PRRC2C: variants seen among roughly 807,000 people sequenced by gnomAD.
PRRC2C encodes the protein protein PRRC2C.
In PRRC2C, 72 loss-of-function variants were observed where a neutral mutation model predicts 317.2. That is an observed-to-expected ratio of 0.23 (90% confidence interval 0.19 to 0.28). The LOEUF (loss-of-function observed/expected upper bound fraction) is 0.28, where lower values mean the gene tolerates loss of function less well. PRRC2C is among the 10% of genes least tolerant of loss of function. The pLI is 1.00. For synonymous variants in PRRC2C, 1,296 were observed against 1,205.9 expected, an observed-to-expected ratio of 1.07 and a Z score of -1.55; for missense variants, 3,074 against 3,459.7, an observed-to-expected ratio of 0.89 and a Z score of 2.80.
At position 171,541,033 on chromosome 1, in the gene PRRC2C, T is replaced by TCGAGGC; in HGVS notation, c.3573_3578dup (p.Arg1192_Gly1193dup). 1 of 1,612,782 alleles carries TCGAGGC rather than the reference T, an allele frequency of 6.2e-7. No homozygotes were observed. The highest frequency in any genetic ancestry group is 2.2e-5 in the East Asian group (1 of 44,850). On this transcript the variant is annotated inframe_insertion, in exon 16 of 35. Transcript: ENST00000647382. This position sits in a 1 kb window ranked among gnomAD's most constrained non-coding sequence, Gnocchi z 4.1. Reference sequence around the variant, plus strand: ...GGTTTCCAGATCAAGGATACAGAGGTCGAGGCCGAGGTGAATATTACTCCA... The same window carrying TCGAGGC: ...GGTTTCCAGATCAAGGATACAGAGGTCGAGGCCGAGGCCGAGGTGAATATTACTCCA...
chr1:171,499,726 C>T lies in PRRC2C; in HGVS notation c.-57-12306C>T, dbSNP rs1230483996. 2.0e-5 allele frequency among the ~76,000 whole-genome samples: 3 copies of T among 152,104 alleles called. No homozygotes were observed. In the South Asian group the frequency reaches 6.2e-4, roughly 32 times the overall value. ...GGCTGAGGCAGGAGAATCGCTTGAACCTGGGAGGCAGAAATTTCAGTGAGC... is the reference window on the plus strand; with the variant it reads ...GGCTGAGGCAGGAGAATCGCTTGAATCTGGGAGGCAGAAATTTCAGTGAGC... On this transcript the variant is annotated intron_variant, in intron 1 of 34. Transcript: ENST00000647382.
intron 4 of PRRC2C, 26 bp from the exon 5 acceptor site, chr1:171,515,708 T>A: frequency 6.5e-7 from 1 of 1,544,462 alleles, no homozygotes; most frequent in African/African-American, 1.4e-5. Context: ...AAGTTACCTT[T>A]AATGTTTTTT....
Position 171,515,875 on chromosome 1 carries a change from C to A in PRRC2C, c.526+16C>A. 6.4e-7 allele frequency: 1 copy of A among 1,571,676 alleles called. No individual in the cohort carries two copies. The highest frequency in any genetic ancestry group is 1.2e-5 in the South Asian group (1 of 84,242). On this transcript the variant is annotated intron_variant, in intron 5 of 34. Coordinates refer to ENST00000647382, the MANE Select transcript of PRRC2C (RefSeq NM_001387844.1). ...CGTCCACCAAGTAAGAGTACTTTCT[C>A]TTTAATACAAAATGAGATCATATTT...
At chr1:171,566,153 C>T (rs1022193271) in intron 20 of PRRC2C, 80 bp from the exon 21 acceptor site, 2 of 1,169,786 alleles carry the variant, frequency 1.7e-6, no homozygotes, top group African/African-American at 3.1e-5. Context: ...TTCTATTGTA[C>T]TTAAACTGTA....
At chr1:171,542,721 TA>T (rs1553228770) in intron 16 of PRRC2C, among the ~76,000 whole-genome samples, 1 of 152,114 alleles carries the variant, frequency 6.6e-6, no homozygotes, top group Admixed American at 6.5e-5. Flanking sequence ...TGGATTTTTT[TA>T]AAAAAATATT....
chr1:171,591,125 C>G, intron 34 of PRRC2C: 1 of 982,576 alleles, frequency 1.0e-6, no homozygotes, highest in Non-Finnish European at 1.2e-6. Flanking sequence ...GTCGTAGTTA[C>G]TAATTTCTGA....
chr1:171,491,790 A>G (rs1222197535), intron 1 of PRRC2C, among the ~76,000 whole-genome samples: 2 of 152,224 alleles, frequency 1.3e-5, no homozygotes, highest in African/African-American at 4.8e-5. Flanking sequence ...AAGAAGAGTG[A>G]TAAGAGTAAA....
At chr1:171,489,505 G>A (rs1351530878) in intron 1 of PRRC2C, among the ~76,000 whole-genome samples, 1 of 152,182 alleles carries the variant, frequency 6.6e-6, no homozygotes, top group African/African-American at 2.4e-5. Flanking sequence ...ATTTGGTACA[G>A]AAAATTACAG....
chr1:171,553,599 G>A (rs533090290), intron 18 of PRRC2C, among the ~76,000 whole-genome samples: 4 of 152,106 alleles, frequency 2.6e-5, no homozygotes, highest in African/African-American at 9.6e-5. Context: ...TCTCTTTTGG[G>A]CACTTAGTGC....
chr1:171,568,479 G>A (rs1009771022), intron 23 of PRRC2C, 140 bp downstream of exon 23: 51 of 1,346,504 alleles, frequency 3.8e-5, no homozygotes, highest in Admixed American at 5.7e-5. Flanking sequence ...GTGTTTAGGA[G>A]TACTGTAATA....
intron 18 of PRRC2C, among the ~76,000 whole-genome samples, chr1:171,556,510 A>G (rs186287403): frequency 3.3e-5 from 5 of 152,172 alleles, no homozygotes; most frequent in Middle Eastern, 3.4e-3. Context: ...TGCGTCAATC[A>G]CACTGGGAGC....
In PRRC2C at chr1:171,532,744, A is replaced by G. The variant is rs1281993242; in HGVS notation, c.1656A>G (p.Glu552=). 1 of 1,539,318 alleles carries G rather than the reference A, an allele frequency of 6.5e-7. No individual in the cohort carries two copies. Among genetic ancestry groups the G allele is most frequent in the Admixed American group, 2.1e-5 (1 of 47,700 alleles). ...AGAAAGAGCTGGAGAAGGAGCAGGA[A>G]AAACAAAGAGAAATGGAGAAAGAAA... ...EKEKELEKEQ[E]KQREMEKERK... The change falls in exon 12 of 35, where the codon GAA becomes GAG. Residue 552 remains glutamate (E), a synonymous_variant. Coordinates refer to ENST00000647382, the MANE Select transcript of PRRC2C (RefSeq NM_001387844.1).
chr1:171,513,364 T>TAGAAC lies in PRRC2C; in HGVS notation c.290+196_290+200dup, dbSNP rs1216701534. The TAGAAC allele has an allele frequency of 3.2e-5, 23 of 729,398 alleles. No individual in the cohort carries two copies. In the East Asian group the frequency reaches 6.7e-4, roughly 21 times the overall value. 45.2% of individuals were successfully genotyped at this position (729,398 alleles called of 1,614,324 possible). A position where few individuals can be genotyped will look rare whatever the true frequency, so the allele number is the denominator to read the frequency against. On this transcript the variant is annotated intron_variant, in intron 3 of 34. Coordinates refer to ENST00000647382, the MANE Select transcript of PRRC2C (RefSeq NM_001387844.1). ...TTAAAAGTATTTCAATTTGTCAGGG[T>TAGAAC]AGAACAGATGACAGAATTGGGAATC...
chr1:171,536,040 A>AC lies in PRRC2C; in HGVS notation c.2056dup (p.Gln686ProfsTer24). 1 of 1,552,244 alleles carries AC rather than the reference A, an allele frequency of 6.4e-7. No individual in the cohort carries two copies. Among genetic ancestry groups the AC allele is most frequent in the Non-Finnish European group, 8.7e-7 (1 of 1,147,150 alleles). On this transcript the variant is annotated frameshift_variant, in exon 14 of 35. Coordinates refer to ENST00000647382, the MANE Select transcript of PRRC2C (RefSeq NM_001387844.1). LOFTEE classifies it high-confidence loss of function. ...TCTTACTTTTTCAGGAACAGATGAA[A>AC]CAGCAGCAGTGGCAGCAGCAGCAAC...
intron 18 of PRRC2C, among the ~76,000 whole-genome samples, chr1:171,550,971 G>C (rs988579490): frequency 6.6e-6 from 1 of 152,134 alleles, no homozygotes; most frequent in African/African-American, 2.4e-5. Flanking sequence ...ATAATCCTTT[G>C]GGTATATACC....
In PRRC2C at chr1:171,591,693, C is replaced by T. The variant is rs1651476238; in HGVS notation, c.8543C>T (p.Ser2848Leu). 1 of 1,613,890 alleles carries T rather than the reference C, an allele frequency of 6.2e-7. No individual in the cohort carries two copies. Among genetic ancestry groups the T allele is most frequent in the Non-Finnish European group, 8.5e-7 (1 of 1,179,850 alleles). ...AAAGCCCAGAAAGTGGACAGTGATT[C>T]AAGTAAACCTCCTGAAACACTGACC... ...GGKAQKVDSD[S>L]SKPPETLTDP... The change falls in exon 35 of 35, where the codon TCA becomes TTA. Residue 2848 changes from serine to leucine, a missense_variant. Physicochemically the swap from Ser to Leu is moderately radical, Grantham distance 145 (BLOSUM62 -2). Coordinates refer to ENST00000647382, the MANE Select transcript of PRRC2C (RefSeq NM_001387844.1).
chr1:171,586,965 A>T (rs1331542043), intron 30 of PRRC2C, 38 bp from the exon 31 acceptor site: 3 of 1,457,296 alleles, frequency 2.1e-6, no homozygotes, highest in Admixed American at 1.9e-5. Context: ...TAGTAAACAG[A>T]AACAAATTGC....
Position 171,536,197 on chromosome 1 carries a change from A to G in PRRC2C, c.2212A>G (p.Arg738Gly). The G allele has an allele frequency of 6.2e-7, 1 of 1,613,416 alleles. No homozygotes were observed. The highest frequency in any genetic ancestry group is 8.5e-7 in the Non-Finnish European group (1 of 1,179,598). Residue 738 changes from arginine (R) to glycine (G), a missense_variant, in exon 14 of 35, where the codon AGG becomes GGG. By Grantham distance (125) the Arg-to-Gly change is moderately radical. Coordinates refer to ENST00000647382, the MANE Select transcript of PRRC2C (RefSeq NM_001387844.1). ...QHLASMGFDP[R>G]WLMMQSYMDP... ...TTTGGCTTCTATGGGTTTTGATCCA[A>G]GGTGGCTCATGATGCAGTCCTACAT...
In PRRC2C at chr1:171,541,041, G is replaced by A. The variant is rs1419825239; in HGVS notation, c.3575G>A (p.Arg1192Gln). 9 of 1,613,062 alleles carry A rather than the reference G, an allele frequency of 5.6e-6. No individual in the cohort carries two copies. The highest frequency in any genetic ancestry group is 3.3e-5 in the Admixed American group (2 of 59,798). Residue 1192 changes from arginine (R) to glutamine (Q), a missense_variant, in exon 16 of 35, where the codon CGA (arginine) becomes CAA (glutamine). Physicochemically the swap from Arg to Gln is conservative, Grantham distance 43. Around this residue, in one of 11 missense-constraint regions of PRRC2C, gnomAD observed 1,320 missense variants for 1,395.7 expected, o/e 0.95. Coordinates refer to ENST00000647382, the MANE Select transcript of PRRC2C (RefSeq NM_001387844.1). The surrounding 1 kb of genome is among the most constrained non-coding windows in gnomAD (Gnocchi z 4.1). ...FPDQGYRGRG[R>Q]GEYYSRGRSY... Reference sequence around the variant, plus strand: ...GATCAAGGATACAGAGGTCGAGGCCGAGGTGAATATTACTCCAGAGGTCGA... The same window carrying A: ...GATCAAGGATACAGAGGTCGAGGCCAAGGTGAATATTACTCCAGAGGTCGA...
Sources: gnomAD v4.1 joint callset for allele counts (sites outside exome capture counted in the v4.1 genomes callset) on GRCh38, gnomAD v4.1.1 for gene constraint, gnomAD v4.1.1 regional missense constraint, Gnocchi (gnomAD v3.1) non-coding constraint, MANE v1.5 for transcripts, NCBI Gene and HGNC (gene_info 2026-07-23, HGNC 2026-07-21) for gene names.